Variants in ASAP3 observed in about 807,000 individuals in gnomAD.
ASAP3 encodes the protein arf-GAP with SH3 domain, ANK repeat and PH domain-containing protein 3.
A neutral mutation model predicts 118.2 loss-of-function variants in ASAP3; 85 were observed. That is an observed-to-expected ratio of 0.72 (90% CI 0.60 to 0.86). ASAP3 has a LOEUF of 0.86. Ranked by LOEUF, ASAP3 falls within the 40% of genes least tolerant of loss-of-function variation. The pLI is 0.00. For synonymous variants in ASAP3, 432 were observed against 477.4 expected (o/e 0.90, Z 1.24); for missense variants, 1,026 against 1,175.0 (o/e 0.87, Z 1.85).
chr1:23,463,386 A>G (rs1037023102), intron 1 of ASAP3, among the ~76,000 whole-genome samples: 7 of 151,606 alleles, frequency 4.6e-5, no homozygotes, highest in African/African-American at 1.7e-4. Flanking sequence ...TAATCCACTC[A>G]TCCACACACT....
intron 1 of ASAP3, among the ~76,000 whole-genome samples, chr1:23,467,847 G>C (rs1012015514): frequency 5.9e-5 from 9 of 151,834 alleles, no homozygotes; most frequent in Middle Eastern, 3.4e-3. Flanking sequence ...CGGCTACTCA[G>C]GAGGCTGAGG....
intron 23 of ASAP3, 29 bp from the exon 24 acceptor site, chr1:23,431,154 C>A (rs576473188): frequency 5.3e-5 from 82 of 1,558,630 alleles, no homozygotes; most frequent in Non-Finnish European, 6.5e-5. Context: ...CCAACATGAC[C>A]CTCATGTCCA....
chr1:23,458,757 T>A (rs992553346), intron 1 of ASAP3, among the ~76,000 whole-genome samples: 11 of 150,972 alleles, frequency 7.3e-5, no homozygotes, highest in African/African-American at 2.7e-4. Context: ...AAAATCCAGA[T>A]GGGGAAACAG....
rs1640724423 is a variant in ASAP3, at chr1:23,437,589, A to G, written c.1103-117T>C. 1 of 1,285,208 alleles carries G rather than the reference A, an allele frequency of 7.8e-7. No individual in the cohort carries two copies. Among genetic ancestry groups the G allele is most frequent in the Non-Finnish European group, 1.1e-6 (1 of 923,602 alleles). The allele number at this position is 1,285,208 out of a possible 1,614,324, so 79.6% of individuals were successfully genotyped here. On this transcript the variant is annotated intron_variant, in intron 12 of 24. Transcript: ENST00000336689. The surrounding 1 kb of genome is among the most constrained non-coding windows in gnomAD (Gnocchi z 6.1). ...TGGAGATGTGTCCCTGACAAGTCGG[A>G]CTCTCAAGCTAGGAGTGGGAAGGGA...
At chr1:23,458,265 G>C (rs1641451184) in intron 1 of ASAP3, among the ~76,000 whole-genome samples, 1 of 152,174 alleles carries the variant, frequency 6.6e-6, no homozygotes, top group South Asian at 2.1e-4. Flanking sequence ...AGGATCACTT[G>C]AGGCCAGGAG....
chr1:23,453,335 G>A (rs1181000630), intron 3 of ASAP3, among the ~76,000 whole-genome samples: 1 of 152,092 alleles, frequency 6.6e-6, no homozygotes, highest in Non-Finnish European at 1.5e-5. Context: ...ATCTGAGCAG[G>A]GCACCCCAGC....
chr1:23,456,247 T>A (rs1570376742), intron 1 of ASAP3, 53 bp from the exon 2 acceptor site: 1 of 1,552,250 alleles, frequency 6.4e-7, no homozygotes, highest in African/African-American at 1.4e-5. Flanking sequence ...AATAGGGTGC[T>A]TCCTTCAGGA....
At chr1:23,452,811 C>A in intron 3 of ASAP3, 40 bp from the exon 4 acceptor site, 1 of 1,591,428 alleles carries the variant, frequency 6.3e-7, no homozygotes, top group Non-Finnish European at 8.6e-7. Context: ...CTCAGGTGAC[C>A]GGCATCCAGC....
chr1:23,451,187 G>T (rs141093901), intron 5 of ASAP3, among the ~76,000 whole-genome samples: 1 of 152,294 alleles, frequency 6.6e-6, no homozygotes, highest in African/African-American at 2.4e-5. Flanking sequence ...GCACGCGGAG[G>T]TGTTTGGTCA....
chr1:23,441,273 G>A (rs765627626), intron 9 of ASAP3, 62 bp from the exon 10 acceptor site: 66 of 1,599,324 alleles, frequency 4.1e-5, no homozygotes, highest in Non-Finnish European at 4.5e-5. Context: ...CCCATTCTGC[G>A]GGGGCTCACT....
intron 1 of ASAP3, among the ~76,000 whole-genome samples, chr1:23,460,277 C>T (rs1274709556): frequency 1.3e-5 from 2 of 152,082 alleles, no homozygotes; most frequent in African/African-American, 4.8e-5. Context: ...GAGGCTGAGG[C>T]TGGTGGATCA....
chr1:23,440,954 C>G lies in ASAP3; in HGVS notation c.944+148G>C. On this transcript the variant is annotated intron_variant, in intron 10 of 24. Coordinates refer to ENST00000336689, the MANE Select transcript of ASAP3 (RefSeq NM_017707.4). Reference sequence around the variant, plus strand: ...GCAGAAGTTCACATGCCCAGGTGTCCTGGACAACCCAGGAATTGAGGATTT... The same window carrying G: ...GCAGAAGTTCACATGCCCAGGTGTCGTGGACAACCCAGGAATTGAGGATTT... 5.7e-6 allele frequency: 4 copies of G among 700,494 alleles called. No individual in the cohort carries two copies. The South Asian group carries it at 7.5e-5, about 13-fold the overall frequency. The allele number at this position is 700,494 out of a possible 1,614,324, so 43.4% of individuals were successfully genotyped here. A position where few individuals can be genotyped will look rare whatever the true frequency, so the allele number is the denominator to read the frequency against.
chr1:23,433,249 G>A lies in ASAP3; in HGVS notation c.2151C>T (p.Ala717=). The part of the protein sequence containing the change: ...EEKRCLLKLP[A]QAHWASGRLD... ...GCCTCCCACTGGCCCAGTGAGCCTG[G>A]GCCGGGAGCTTCAGCAAGCAGCGCT... The change falls in exon 22 of 25, where the codon GCC becomes GCT. Residue 717 remains alanine (A), a synonymous_variant. Transcript: ENST00000336689. The A allele has an allele frequency of 6.2e-7, 1 of 1,608,710 alleles. No individual in the cohort carries two copies. Among genetic ancestry groups the A allele is most frequent in the Non-Finnish European group, 8.5e-7 (1 of 1,176,898 alleles).
intron 1 of ASAP3, among the ~76,000 whole-genome samples, chr1:23,471,651 A>G (rs1354947003): frequency 6.6e-6 from 1 of 152,218 alleles, no homozygotes; most frequent in Non-Finnish European, 1.5e-5. Flanking sequence ...TAGCTGTGTG[A>G]CCTGAGGCAA....
chr1:23,451,287 C>T (rs1641207052), intron 5 of ASAP3, among the ~76,000 whole-genome samples, 192 bp downstream of exon 5: 1 of 152,186 alleles, frequency 6.6e-6, no homozygotes, highest in Non-Finnish European at 1.5e-5. Flanking sequence ...TTCACAATAG[C>T]TCCTTTGGTG....
chr1:23,461,361 C>A lies in ASAP3; in HGVS notation c.130-5167G>T, dbSNP rs182282917. 5.3e-5 allele frequency among the ~76,000 whole-genome samples: 8 copies of A among 152,012 alleles called. No individual in the cohort carries two copies. The East Asian group carries it at 1.4e-3, about 26-fold the overall frequency. On this transcript the variant is annotated intron_variant, in intron 1 of 24. Transcript: ENST00000336689. ...CTAAAACTGCTCTAAAAAATAAAGT[C>A]GATTTTTTTTAATTTAGAAAAAAAG...
chr1:23,434,801 T>A (rs573766398), intron 17 of ASAP3, among the ~76,000 whole-genome samples, 183 bp from the exon 18 acceptor site: 1 of 152,112 alleles, frequency 6.6e-6, no homozygotes, highest in Non-Finnish European at 1.5e-5. Context: ...CATTCTCCCA[T>A]TGTTCCCATT....
chr1:23,436,694 C>G lies in ASAP3; in HGVS notation c.1477-40G>C, dbSNP rs781543624. On this transcript the variant is annotated intron_variant, in intron 15 of 24. Transcript: ENST00000336689. This position sits in a 1 kb window ranked among gnomAD's most constrained non-coding sequence, Gnocchi z 4.2. Reference sequence around the variant, plus strand: ...AAATAGACGTGGGGCGGAGTAAGACCGGGCGGTTAAGCCTGCATAGGGTGG... The same window carrying G: ...AAATAGACGTGGGGCGGAGTAAGACGGGGCGGTTAAGCCTGCATAGGGTGG... 2.5e-6 allele frequency: 4 copies of G among 1,611,696 alleles called. No individual in the cohort carries two copies. The highest frequency in any genetic ancestry group is 3.4e-6 in the Non-Finnish European group (4 of 1,178,000).
chr1:23,479,058 T>C (rs1210051698), intron 1 of ASAP3, among the ~76,000 whole-genome samples: 1 of 152,170 alleles, frequency 6.6e-6, no homozygotes, highest in African/African-American at 2.4e-5. Context: ...CCTCTGCTGA[T>C]GAAACCAGGG....
Sources: gnomAD v4.1 joint callset for allele counts (sites outside exome capture counted in the v4.1 genomes callset) on GRCh38, gnomAD v4.1.1 for gene constraint, Gnocchi (gnomAD v3.1) non-coding constraint, MANE v1.5 for transcripts, NCBI Gene and HGNC (gene_info 2026-07-23, HGNC 2026-07-21) for gene names.